Variants in SLC67A1 observed in about 807,000 individuals in gnomAD.
SLC67A1 encodes solute carrier family 67 member 1.
At chr11:2,906,925 G>A in the SLC67A1 span, among the ~76,000 whole-genome samples, 1 of 151,848 alleles carries the variant, frequency 6.6e-6, no homozygotes, top group South Asian at 2.1e-4. Context: ...TCACACTAGC[G>A]GCGCTGGGGA....
the SLC67A1 span, among the ~76,000 whole-genome samples, chr11:2,910,796 C>A: frequency 6.6e-6 from 1 of 152,158 alleles, no homozygotes; most frequent in African/African-American, 2.4e-5. Context: ...CCCTGGGGAG[C>A]CTGGCGCCTT....
At chr11:2,904,341 G>A in the SLC67A1 span, among the ~76,000 whole-genome samples, 29 of 152,176 alleles carry the variant, frequency 1.9e-4, no homozygotes, top group Admixed American at 3.9e-4. Context: ...GCACCATTCC[G>A]GGCCTGGCAG....
the SLC67A1 span, chr11:2,909,655 G>T: frequency 6.5e-7 from 1 of 1,538,070 alleles, no homozygotes. Context: ...CCTCTGCTTC[G>T]GCGTCGGAGT....
the SLC67A1 span, among the ~76,000 whole-genome samples, chr11:2,901,996 G>A: frequency 6.6e-6 from 1 of 152,186 alleles, no homozygotes; most frequent in African/African-American, 2.4e-5. Context: ...GTGGACACCG[G>A]TGCTGCCTGA....
At chr11:2,918,018 A>G in the SLC67A1 span, 4 of 1,613,530 alleles carry the variant, frequency 2.5e-6, no homozygotes, top group Admixed American at 1.7e-5. Context: ...TTCGACCTGA[A>G]GGCCATCGCC....
At chr11:2,916,618 G>T in the SLC67A1 span, 3 of 1,609,350 alleles carry the variant, frequency 1.9e-6, no homozygotes, top group South Asian at 2.2e-5. Context: ...GCTGTTGCCC[G>T]CAGGATTCAG....
the SLC67A1 span, chr11:2,909,428 C>T: frequency 6.9e-7 from 1 of 1,451,210 alleles, no homozygotes; most frequent in South Asian, 1.3e-5. Flanking sequence ...GGGACACCTC[C>T]AGGGAGGTCT....
the SLC67A1 span, chr11:2,909,639 G>GCC: frequency 6.5e-7 from 1 of 1,535,328 alleles, no homozygotes; most frequent in Non-Finnish European, 8.7e-7. Flanking sequence ...CCCTGGGCCG[G>GCC]CTGGGCCTCT....
chr11:2,915,204 G>A, the SLC67A1 span: 464,527 of 984,898 alleles, frequency 0.47, 111,180 homozygotes, highest in Non-Finnish European at 0.49. Flanking sequence ...CCCACTGACT[G>A]TCCTAGTCAG....
chr11:2,914,247 G>A, the SLC67A1 span, among the ~76,000 whole-genome samples: 1 of 152,218 alleles, frequency 6.6e-6, no homozygotes, highest in Non-Finnish European at 1.5e-5. Flanking sequence ...TGGCTCCACT[G>A]ATAAAAGTGT....
the SLC67A1 span, chr11:2,922,663 G>A: frequency 3.0e-5 from 14 of 466,220 alleles, no homozygotes. Context: ...GTAGGGTGGG[G>A]GGCCTGGGGT....
At chr11:2,913,358 A>G in the SLC67A1 span, among the ~76,000 whole-genome samples, 14 of 152,150 alleles carry the variant, frequency 9.2e-5, no homozygotes, top group Non-Finnish European at 1.9e-4. Context: ...AGCAGGCTGG[A>G]CAGGCCTCCT....
the SLC67A1 span, chr11:2,918,050 G>C: frequency 6.2e-7 from 1 of 1,613,558 alleles, no homozygotes; most frequent in African/African-American, 1.3e-5. Flanking sequence ...GCTGCCAGAC[G>C]TCCCGAGGAT....
chr11:2,916,517 G>A, the SLC67A1 span: 4 of 816,164 alleles, frequency 4.9e-6, no homozygotes, highest in Admixed American at 4.1e-5. Flanking sequence ...TGGGAGGTCA[G>A]ATTTAAGCTA....
chr11:2,916,387 C>T, the SLC67A1 span: 21 of 463,520 alleles, frequency 4.5e-5, no homozygotes, highest in Non-Finnish European at 8.0e-5. Context: ...CTGCCGGGGC[C>T]TGCATGGCGT....
chr11:2,919,606 A>G, the SLC67A1 span: 1 of 571,152 alleles, frequency 1.8e-6, no homozygotes, highest in Admixed American at 3.1e-5. Context: ...CTGTGAGGAC[A>G]GTGGACTCCG....
the SLC67A1 span, chr11:2,919,639 G>A: frequency 1.0e-4 from 55 of 550,980 alleles, no homozygotes; most frequent in East Asian, 1.6e-3. Context: ...CAGCTGGCTG[G>A]GATCTGTGGC....
chr11:2,919,344 C>A, the SLC67A1 span: 1 of 1,613,978 alleles, frequency 6.2e-7, no homozygotes. Context: ...TCTCCATGGA[C>A]TTCTTCCAGC....
At chr11:2,914,644 AC>A in the SLC67A1 span, 12 of 945,128 alleles carry the variant, frequency 1.3e-5, no homozygotes, top group Non-Finnish European at 1.5e-5. Flanking sequence ...CCTTTGGTTT[AC>A]CCACCACCGC....
Sources: allele counts gnomAD v4.1 joint callset (sites outside exome capture counted in the v4.1 genomes callset), GRCh38; gene constraint gnomAD v4.1.1; transcripts MANE v1.5; gene names NCBI Gene and HGNC (gene_info 2026-07-23, HGNC 2026-07-21).